Variants in ZFAT observed in about 807,000 individuals in gnomAD.
The protein encoded by ZFAT is zinc finger and AT-hook domain containing, also known as zinc finger protein ZFAT.
ZFAT carries 64 observed loss-of-function variants against 117.7 expected under a neutral mutation model. The observed-to-expected ratio is 0.54, with a 90% CI of 0.44 to 0.67. The LOEUF (loss-of-function observed/expected upper bound fraction) is 0.67. ZFAT is among the 30% of genes least tolerant of loss of function. ZFAT has a pLI of 0.00. For synonymous variants in ZFAT, 679 were observed against 615.0 expected, an observed-to-expected ratio of 1.10 and a Z score of -1.54; for missense variants, 1,433 against 1,584.5, an observed-to-expected ratio of 0.90 and a Z score of 1.62.
At chr8:134,719,821 G>A in the ZFAT span, among the ~76,000 whole-genome samples, 17 of 152,264 alleles carry the variant, frequency 1.1e-4, no homozygotes, top group Non-Finnish European at 1.8e-4. Context: ...CTGGTGCCAG[G>A]CAAATGTTCA....
the ZFAT span, among the ~76,000 whole-genome samples, chr8:134,815,058 C>T: frequency 2.6e-5 from 4 of 152,180 alleles, no homozygotes; most frequent in Admixed American, 2.0e-4. Flanking sequence ...GTCCATTCAG[C>T]TAAATAATTT....
chr8:134,748,714 T>C, the ZFAT span, among the ~76,000 whole-genome samples: 4 of 152,238 alleles, frequency 2.6e-5, no homozygotes, highest in Non-Finnish European at 5.9e-5. Context: ...CTCCACATCC[T>C]AGCCAACACG....
intron 2 of ZFAT, among the ~76,000 whole-genome samples, chr8:134,646,616 G>C (rs1256402014): frequency 6.6e-6 from 1 of 151,936 alleles, no homozygotes; most frequent in Non-Finnish European, 1.5e-5. Context: ...CTAAGAGCTT[G>C]TTGTTTGAAA....
chr8:134,531,400 G>A (rs1324203991), intron 12 of ZFAT, among the ~76,000 whole-genome samples: 1 of 152,210 alleles, frequency 6.6e-6, no homozygotes, highest in Non-Finnish European at 1.5e-5. Context: ...TGGACATGGG[G>A]CATTGGCGTG....
intron 7 of ZFAT, among the ~76,000 whole-genome samples, chr8:134,591,314 C>T (rs181267968): frequency 6.6e-6 from 1 of 152,348 alleles, no homozygotes; most frequent in African/African-American, 2.4e-5. Context: ...AGGATGCCTC[C>T]TGCCCCTCGG....
chr8:134,719,062 A>C, the ZFAT span, among the ~76,000 whole-genome samples: 3 of 152,192 alleles, frequency 2.0e-5, no homozygotes, highest in East Asian at 5.8e-4. Context: ...GAAAAGCTGA[A>C]AATGTGGAAA....
chr8:134,781,481 T>A, the ZFAT span, among the ~76,000 whole-genome samples: 1 of 152,176 alleles, frequency 6.6e-6, no homozygotes, highest in Admixed American at 6.5e-5. Context: ...ACTTAAAATG[T>A]AATACCCTTA....
intron 1 of ZFAT, among the ~76,000 whole-genome samples, chr8:134,671,519 T>G (rs527290080): frequency 6.4e-4 from 98 of 152,298 alleles, no homozygotes; most frequent in African/African-American, 2.2e-3. Context: ...ATTATCTCAA[T>G]AGATGCAGAA....
At chr8:134,749,569 T>C in the ZFAT span, among the ~76,000 whole-genome samples, 2 of 152,120 alleles carry the variant, frequency 1.3e-5, no homozygotes, top group African/African-American at 4.8e-5. Flanking sequence ...CACCATCAGA[T>C]TGGGTATCAG....
At chr8:134,647,720 A>C (rs1318807208) in intron 2 of ZFAT, among the ~76,000 whole-genome samples, 1 of 152,210 alleles carries the variant, frequency 6.6e-6, no homozygotes, top group Non-Finnish European at 1.5e-5. Flanking sequence ...TTGTGTTTCT[A>C]CACAAAAACA....
rs201041569 is a variant in ZFAT, at chr8:134,601,593, C to G, written c.2126G>C (p.Arg709Pro). Reference sequence around the variant, plus strand: ...CTTCATGAAAGCGGTGATGCCTGACCGGTGCTCAGGGGCAGCTTTGCAAGA... The same window carrying G: ...CTTCATGAAAGCGGTGATGCCTGACGGGTGCTCAGGGGCAGCTTTGCAAGA... ...PDSCKAAPEH[R>P]SGITAFMKVL... The change falls in exon 6 of 16, where the codon CGG becomes CCG. Residue 709 changes from arginine to proline, a missense_variant. Around this residue, in one of 5 missense-constraint regions of ZFAT, gnomAD observed 372 missense variants for 355.6 expected, o/e 1.05. Coordinates refer to ENST00000377838, the MANE Select transcript of ZFAT (RefSeq NM_020863.4). 1.9e-6 allele frequency: 3 copies of G among 1,614,210 alleles called. No homozygotes were observed. Among genetic ancestry groups the G allele is most frequent in the East Asian group, 4.5e-5 (2 of 44,886 alleles).
At chr8:134,819,496 A>ACCCCCCCCCCAC in the ZFAT span, among the ~76,000 whole-genome samples, 1 of 39,334 alleles carries the variant, frequency 2.5e-5, no homozygotes, top group Non-Finnish European at 4.7e-5. Context: ...CGGATTTACC[A>ACCCCCCCCCCAC]CCCCCCCCCC....
intron 15 of ZFAT, among the ~76,000 whole-genome samples, chr8:134,500,069 C>T (rs750006): frequency 0.14 from 20,883 of 152,212 alleles, 1,851 homozygotes; most frequent in Non-Finnish European, 0.19. Flanking sequence ...CCTCCATATG[C>T]GGGACAGCTC....
chr8:134,620,495 C>A (rs1396249776), intron 3 of ZFAT, among the ~76,000 whole-genome samples: 2 of 152,212 alleles, frequency 1.3e-5, no homozygotes, highest in Non-Finnish European at 2.9e-5. Flanking sequence ...AATGGTGTGC[C>A]CAGCTCTTCC....
chr8:134,550,644 C>T (rs1430426883), intron 11 of ZFAT, among the ~76,000 whole-genome samples: 3 of 152,166 alleles, frequency 2.0e-5, no homozygotes, highest in African/African-American at 7.2e-5. Context: ...GAATATATTG[C>T]ACACTCTTAG....
At chr8:134,577,415 T>C (rs1158933739) in intron 10 of ZFAT, among the ~76,000 whole-genome samples, 1 of 152,230 alleles carries the variant, frequency 6.6e-6, no homozygotes, top group Non-Finnish European at 1.5e-5. Context: ...TTTTACTTCA[T>C]TAAAAAATGC....
intron 15 of ZFAT, among the ~76,000 whole-genome samples, chr8:134,488,466 T>G (rs1376782050): frequency 1.3e-5 from 2 of 152,212 alleles, no homozygotes; most frequent in African/African-American, 2.4e-5. Flanking sequence ...GCCTCTGTGT[T>G]TAGACACCGC....
chr8:134,616,086 C>G (rs1164663106), intron 3 of ZFAT, among the ~76,000 whole-genome samples: 1 of 152,198 alleles, frequency 6.6e-6, no homozygotes, highest in Non-Finnish European at 1.5e-5. Context: ...CACCCAGAGA[C>G]TCTGGCCTAC....
intron 15 of ZFAT, among the ~76,000 whole-genome samples, chr8:134,490,627 G>A (rs1333218234): frequency 2.0e-5 from 3 of 152,226 alleles, no homozygotes; most frequent in African/African-American, 7.2e-5. Flanking sequence ...GCGGGCTGCT[G>A]TCTGGAATTG....
Sources: gnomAD v4.1 joint callset for allele counts (sites outside exome capture counted in the v4.1 genomes callset) on GRCh38, gnomAD v4.1.1 for gene constraint, gnomAD v4.1.1 regional missense constraint, MANE v1.5 for transcripts, NCBI Gene and HGNC (gene_info 2026-07-23, HGNC 2026-07-21) for gene names.